KHDRBS2: variants seen among roughly 807,000 people sequenced by gnomAD.
KHDRBS2 encodes KH domain-containing, RNA-binding, signal transduction-associated protein 2.
KHDRBS2 carries 26 observed loss-of-function variants against 44.3 expected under a neutral mutation model. The ratio of observed to expected loss-of-function variants is 0.59; its 90% confidence interval spans 0.43 to 0.81. The LOEUF (loss-of-function observed/expected upper bound fraction) is 0.81, where lower values mean the gene tolerates loss of function less well. KHDRBS2 is among the 40% of genes least tolerant of loss of function. KHDRBS2 has a pLI of 0.00. For synonymous variants in KHDRBS2, 194 were observed against 151.1 expected (o/e 1.28, Z -2.08); for missense variants, 476 against 433.1 (o/e 1.10, Z -0.88).
the KHDRBS2 span, among the ~76,000 whole-genome samples, chr6:61,671,562 A>G: frequency 6.6e-6 from 1 of 151,682 alleles, no homozygotes; most frequent in Non-Finnish European, 1.5e-5. Flanking sequence ...ACAATTAATA[A>G]TTTCTACATA....
chr6:62,282,362 T>C (rs1009436319), intron 1 of KHDRBS2, among the ~76,000 whole-genome samples: 3 of 152,154 alleles, frequency 2.0e-5, no homozygotes, highest in Non-Finnish European at 4.4e-5. Flanking sequence ...ACTGCTGGAA[T>C]ATTTGGCAAT....
At chr6:62,240,340 G>A (rs769391045) in intron 1 of KHDRBS2, among the ~76,000 whole-genome samples, 2 of 151,734 alleles carry the variant, frequency 1.3e-5, no homozygotes, top group South Asian at 4.2e-4. Flanking sequence ...GGCTCATCTT[G>A]TATACATTCT....
intron 1 of KHDRBS2, among the ~76,000 whole-genome samples, chr6:62,230,695 C>A (rs1178825310): frequency 6.6e-6 from 1 of 152,052 alleles, no homozygotes; most frequent in Non-Finnish European, 1.5e-5. Context: ...CCTCTAAAAC[C>A]TTTTGAAAGT....
chr6:62,263,594 A>G (rs1400443285), intron 1 of KHDRBS2, among the ~76,000 whole-genome samples: 1 of 151,704 alleles, frequency 6.6e-6, no homozygotes, highest in African/African-American at 2.4e-5. Context: ...CAAATACAAC[A>G]ATATTTTTCT....
At chr6:61,995,328 C>T (rs1188750727) in intron 3 of KHDRBS2, among the ~76,000 whole-genome samples, 1 of 151,996 alleles carries the variant, frequency 6.6e-6, no homozygotes, top group Non-Finnish European at 1.5e-5. Flanking sequence ...AGACTTTATC[C>T]TAGAAGTGAC....
intron 1 of KHDRBS2, among the ~76,000 whole-genome samples, chr6:62,185,695 A>G (rs1397293492): frequency 6.6e-6 from 1 of 151,894 alleles, no homozygotes; most frequent in Non-Finnish European, 1.5e-5. Context: ...TAACTGTTTT[A>G]ATCACTACTC....
At chr6:62,063,349 T>C (rs954027957) in intron 2 of KHDRBS2, among the ~76,000 whole-genome samples, 8 of 151,226 alleles carry the variant, frequency 5.3e-5, no homozygotes, top group Non-Finnish European at 1.0e-4. Flanking sequence ...TAGACCAATA[T>C]CCTTGATGAA....
intron 2 of KHDRBS2, among the ~76,000 whole-genome samples, chr6:62,118,682 T>C (rs1429963290): frequency 6.6e-6 from 1 of 152,164 alleles, no homozygotes; most frequent in East Asian, 1.9e-4. Flanking sequence ...ATGGCTAGGA[T>C]ACAAGCAGGC....
intron 4 of KHDRBS2, among the ~76,000 whole-genome samples, chr6:61,934,753 G>A (rs1439668938): frequency 2.0e-5 from 3 of 152,130 alleles, no homozygotes; most frequent in Non-Finnish European, 4.4e-5. Context: ...CCAAATTGGG[G>A]TAACAGGAAC....
Position 62,228,165 on chromosome 6 carries a change from G to A in KHDRBS2, c.92-50853C>T, listed in dbSNP as rs545439781. Among the ~76,000 whole-genome samples, 6 of 152,148 alleles carry A rather than the reference G, an allele frequency of 3.9e-5. No individual in the cohort carries two copies. In the South Asian group the frequency reaches 1.0e-3, roughly 26 times the overall value. On this transcript the variant is annotated intron_variant, in intron 1 of 8. Transcript: ENST00000281156. ...ATCCCTCTGGTCCAAGGCTTTATTC[G>A]GTTGGTAGGCTATGAATTACTGCCT... is the stretch of plus-strand genomic sequence containing the variant.
chr6:61,803,995 T>C (rs1786715726), intron 6 of KHDRBS2, among the ~76,000 whole-genome samples: 1 of 151,944 alleles, frequency 6.6e-6, no homozygotes, highest in African/African-American at 2.4e-5. Flanking sequence ...CCCTCCCAAA[T>C]CTCATCTTCC....
chr6:61,662,642 T>C, the KHDRBS2 span, among the ~76,000 whole-genome samples: 1 of 151,780 alleles, frequency 6.6e-6, no homozygotes, highest in Non-Finnish European at 1.5e-5. Flanking sequence ...AAAAAACACA[T>C]GAAAAAATGC....
At chr6:62,038,388 CAGTTTTCTACTGTTTA>C (rs534519326) in intron 3 of KHDRBS2, among the ~76,000 whole-genome samples, 84 of 151,692 alleles carry the variant, frequency 5.5e-4, no homozygotes, top group African/African-American at 2.0e-3. Flanking sequence ...AGCCAGAAAA[CAGTTTTCTACTGTTTA>C]ACAATGATTG....
intron 2 of KHDRBS2, among the ~76,000 whole-genome samples, chr6:62,059,198 G>GTTTTTTTTTTTTT (rs398001756): frequency 0.01 from 254 of 24,884 alleles, 108 homozygotes; most frequent in East Asian, 0.015. Context: ...AAGTTAGGAA[G>GTTTTTTTTTTTTT]TTTTTTTTTT....
intron 2 of KHDRBS2, among the ~76,000 whole-genome samples, chr6:62,083,747 C>T (rs910810637): frequency 1.3e-5 from 2 of 152,098 alleles, no homozygotes; most frequent in South Asian, 2.1e-4. Context: ...GCAAAGGGGT[C>T]AAGGGAACTA....
intron 1 of KHDRBS2, among the ~76,000 whole-genome samples, chr6:62,276,864 AG>A (rs970519443): frequency 3.9e-5 from 6 of 152,184 alleles, no homozygotes; most frequent in African/African-American, 1.4e-4. Context: ...CGTGGCATCT[AG>A]GTGAAAAGGC....
the KHDRBS2 span, among the ~76,000 whole-genome samples, chr6:61,672,901 T>G: frequency 2.8e-4 from 43 of 152,200 alleles, no homozygotes; most frequent in Admixed American, 2.4e-3. Flanking sequence ...TTTTGGTGTT[T>G]TAGACATGAA....
At chr6:61,602,808 A>ACCTTTTTTAAGCACTCTTTTAAC in the KHDRBS2 span, among the ~76,000 whole-genome samples, 2 of 152,042 alleles carry the variant, frequency 1.3e-5, no homozygotes, top group Non-Finnish European at 2.9e-5. Context: ...CAACTTAGAC[A>ACCTTTTTTAAGCACTCTTTTAAC]ATACTCTTTT....
intron 6 of KHDRBS2, among the ~76,000 whole-genome samples, chr6:61,750,847 G>T (rs779010941): frequency 6.6e-6 from 1 of 151,586 alleles, no homozygotes; most frequent in Non-Finnish European, 1.5e-5. Context: ...TTCCAACATG[G>T]AATTTCTATG....
Sources: allele counts gnomAD v4.1 joint callset (sites outside exome capture counted in the v4.1 genomes callset), GRCh38; gene constraint gnomAD v4.1.1; transcripts MANE v1.5; gene names NCBI Gene and HGNC (gene_info 2026-07-23, HGNC 2026-07-21).